Variants in NTF4 observed in about 807,000 individuals in gnomAD.
The protein encoded by NTF4 is neurotrophin-4.
In NTF4, 2 loss-of-function variants were observed where a neutral mutation model predicts 4.4. The ratio of observed to expected loss-of-function variants is 0.46; its 90% confidence interval spans 0.19 to 1.44. The LOEUF is 1.44. Ranked by LOEUF, NTF4 falls within the 40% of genes most tolerant of loss-of-function variation. The pLI, the probability that NTF4 is intolerant of heterozygous loss-of-function variation, is 0.26. For synonymous variants in NTF4, 127 were observed against 122.0 expected (o/e 1.04, Z -0.27); for missense variants, 260 against 293.0 (o/e 0.89, Z 0.82).
chr19:49,062,642 G>A (rs1033795225), upstream of NTF4, among the ~76,000 whole-genome samples: 16 of 151,808 alleles, frequency 1.1e-4, no homozygotes, highest in African/African-American at 3.6e-4. Flanking sequence ...GAATTACCCG[G>A]GTGTGGTGGC....
downstream of NTF4, among the ~76,000 whole-genome samples, chr19:49,059,402 TACA>T (rs1210200020): frequency 1.3e-5 from 2 of 151,158 alleles, no homozygotes; most frequent in Admixed American, 6.6e-5. Flanking sequence ...GAGGAATAAA[TACA>T]ACAAGAAAGG....
At chr19:49,058,432 C>T (rs1315162547), downstream of NTF4, 12 of 696,130 alleles carry the variant, frequency 1.7e-5, no homozygotes, top group Non-Finnish European at 2.5e-5. Flanking sequence ...TTCCAGTCGG[C>T]CCCCAGCCCT....
chr19:49,062,161 G>A (rs77113200), upstream of NTF4, among the ~76,000 whole-genome samples: 1,568 of 152,292 alleles, frequency 0.01, 9 homozygotes, highest in Non-Finnish European at 0.017. Context: ...TAGGGCTTGC[G>A]TAATGCGCAA....
chr19:49,062,387 C>T (rs2040163678), upstream of NTF4, among the ~76,000 whole-genome samples: 1 of 152,170 alleles, frequency 6.6e-6, no homozygotes, highest in South Asian at 2.1e-4. Flanking sequence ...ACTCAGTAGG[C>T]TGAGGCAGGA....
chr19:49,060,894 A>G (rs1344371582), downstream of NTF4: 2 of 189,526 alleles, frequency 1.1e-5, no homozygotes, highest in Non-Finnish European at 2.2e-5. Context: ...CAGATACTTA[A>G]AGGCCTTCTG....
In NTF4 at chr19:49,061,404, G is replaced by T; in HGVS notation, c.594C>A (p.Ala198=). 1 of 1,613,352 alleles carries T rather than the reference G, an allele frequency of 6.2e-7. No homozygotes were observed. Among genetic ancestry groups the T allele is most frequent in the Non-Finnish European group, 8.5e-7 (1 of 1,180,032 alleles). ...TCCGGCTGAGGAGTGTGCAGACGCA[G>T]GCAGTGTCAATTCGAATCCATCGCC... is the stretch of plus-strand genomic sequence containing the variant. Residue 198 remains alanine (A), a synonymous_variant, in exon 1 of 1, where the codon GCC becomes GCA. Transcript: ENST00000593537. This position sits in a 1 kb window ranked among gnomAD's most constrained non-coding sequence, Gnocchi z 4.9.
downstream of NTF4, among the ~76,000 whole-genome samples, chr19:49,060,203 G>A (rs150060619): frequency 1.1e-4 from 16 of 151,920 alleles, no homozygotes; most frequent in Admixed American, 9.2e-4. Context: ...CCCCATTCAG[G>A]CTTCTGGGGC....
At chr19:49,058,617 C>T (rs920426703), downstream of NTF4, 256 of 415,860 alleles carry the variant, frequency 6.2e-4, no homozygotes, top group Non-Finnish European at 9.3e-4. Flanking sequence ...CCCACCTGCA[C>T]CGTGGGCGGG....
chr19:49,058,657 G>A, downstream of NTF4: 1 of 315,380 alleles, frequency 3.2e-6, no homozygotes, highest in Admixed American at 4.6e-5. Context: ...TAATGCCATG[G>A]GTAACGTAGC....
chr19:49,063,344 A>G (rs1157093379), upstream of NTF4, among the ~76,000 whole-genome samples: 15 of 147,014 alleles, frequency 1.0e-4, no homozygotes, highest in Admixed American at 6.8e-4. Flanking sequence ...TTGAGATGGA[A>G]TCTCCCTCTG....
downstream of NTF4, among the ~76,000 whole-genome samples, chr19:49,059,140 C>T (rs2040102586): frequency 6.6e-6 from 1 of 152,166 alleles, no homozygotes; most frequent in African/African-American, 2.4e-5. Context: ...CCCCTTTGCT[C>T]CAGGGTCCAG....
At chr19:49,059,494 T>A (rs1164199169), downstream of NTF4, among the ~76,000 whole-genome samples, 1 of 151,886 alleles carries the variant, frequency 6.6e-6, no homozygotes, top group African/African-American at 2.4e-5. Context: ...ACACTGGAAG[T>A]TAGAGACAGA....
At chr19:49,063,076 G>C (rs1405586972), upstream of NTF4, among the ~76,000 whole-genome samples, 1 of 151,764 alleles carries the variant, frequency 6.6e-6, no homozygotes, top group African/African-American at 2.4e-5. Context: ...GCACAATCCT[G>C]GCTCACTGCA....
rs377741315 is a variant in NTF4, at chr19:49,061,678, C to G, written c.320G>C (p.Arg107Pro). 170 of 1,613,092 alleles carry G rather than the reference C, an allele frequency of 1.1e-4. No individual in the cohort carries two copies. Among genetic ancestry groups the G allele is most frequent in the Non-Finnish European group, 1.4e-4 (165 of 1,179,834 alleles). Reference sequence around the variant, plus strand: ...CCCACGCAAGTCCACAGCGGTCCGGCGGTCTGTCACCCAGCCACTGACTGC... The same window carrying G: ...CCCACGCAAGTCCACAGCGGTCCGGGGGTCTGTCACCCAGCCACTGACTGC... Residue 107 changes from arginine to proline, a missense_variant, in exon 1 of 1, where the codon CGC becomes CCC. Transcript: ENST00000593537. The surrounding 1 kb of genome is among the most constrained non-coding windows in gnomAD (Gnocchi z 4.9).
chr19:49,058,691 C>T, downstream of NTF4: 2 of 240,196 alleles, frequency 8.3e-6, no homozygotes, highest in Admixed American at 5.2e-5. Flanking sequence ...CCAGTTGGGC[C>T]AGGATTCAGG....
downstream of NTF4, among the ~76,000 whole-genome samples, chr19:49,059,459 T>C (rs1429033578): frequency 1.3e-5 from 2 of 152,020 alleles, no homozygotes; most frequent in African/African-American, 4.8e-5. Context: ...GAAAGGGAGC[T>C]ATTAGTACTA....
rs777832037 is a variant in NTF4, at chr19:49,061,370, C to T, written c.628G>A (p.Ala210Thr). The T allele has an allele frequency of 1.2e-6, 2 of 1,612,034 alleles. No homozygotes were observed. Among genetic ancestry groups the T allele is most frequent in the South Asian group, 1.1e-5 (1 of 91,014 alleles). Reference sequence around the variant, plus strand: ...TATTTTCCTGGGCATGGGTCTCAGGCCCGGCCAGTCCGGCTGAGGAGTGTG... The same window carrying T: ...TATTTTCCTGGGCATGGGTCTCAGGTCCGGCCAGTCCGGCTGAGGAGTGTG... Residue 210 changes from alanine (A) to threonine (T), a missense_variant, in exon 1 of 1, where the codon GCC becomes ACC. Ala to Thr is a moderately conservative substitution (Grantham distance 58). Transcript: ENST00000593537. This position sits in a 1 kb window ranked among gnomAD's most constrained non-coding sequence, Gnocchi z 4.9.
At position 49,061,296 on chromosome 19, in the gene NTF4, C is replaced by A; in HGVS notation, c.*69G>T. On this transcript the variant is annotated 3_prime_UTR_variant, in exon 1 of 1. Transcript: ENST00000593537. This position sits in a 1 kb window ranked among gnomAD's most constrained non-coding sequence, Gnocchi z 4.9. ...ATTTGATGAGTTCCCAAACTGGGGT[C>A]CTTAGATCAGCTGGGCCATCCCTGA... is the stretch of plus-strand genomic sequence containing the variant. 1 of 1,602,760 alleles carries A rather than the reference C, an allele frequency of 6.2e-7. No individual in the cohort carries two copies. The highest frequency in any genetic ancestry group is 1.1e-5 in the South Asian group (1 of 90,220).
chr19:49,063,318 T>A (rs546801073), upstream of NTF4, among the ~76,000 whole-genome samples: 56 of 136,714 alleles, frequency 4.1e-4, no homozygotes, highest in African/African-American at 1.4e-3. Context: ...CAAACAAAAT[T>A]TTTTTTTTTT....
Sources: allele counts gnomAD v4.1 joint callset (sites outside exome capture counted in the v4.1 genomes callset), GRCh38; gene constraint gnomAD v4.1.1; non-coding constraint Gnocchi (gnomAD v3.1); transcripts MANE v1.5; gene names NCBI Gene and HGNC (gene_info 2026-07-23, HGNC 2026-07-21).